Variants in NDUFB6 observed in about 807,000 individuals in gnomAD.
NDUFB6 encodes NADH dehydrogenase [ubiquinone] 1 beta subcomplex subunit 6.
Under a neutral mutation model 17.5 loss-of-function variants are expected in NDUFB6, and 23 were observed. The observed-to-expected ratio is 1.31, with a 90% CI of 0.94 to 1.86. The LOEUF is 1.86. NDUFB6 is among the 40% of genes most tolerant of loss of function. The probability of loss-of-function intolerance (pLI) is 0.00; values close to 1 mark genes in which losing one functional copy is unlikely to be tolerated. For missense variants in NDUFB6, 167 were observed against 153.8 expected (o/e 1.09, Z -0.46); for synonymous variants, 60 against 53.5 (o/e 1.12, Z -0.53).
In NDUFB6 at chr9:32,553,945, C is replaced by A. The variant is rs113167815; in HGVS notation, c.319-1G>T. On this transcript the variant is annotated splice_acceptor_variant, in intron 3 of 3. Coordinates refer to ENST00000379847, the MANE Select transcript of NDUFB6 (RefSeq NM_002493.5). LOFTEE classifies it high-confidence loss of function. ...CTCCAGTCTCCAGAATTGTATCACCCTAGGAAAACAAAGATACAGTTAGTA... is the reference window on the plus strand; with the variant it reads ...CTCCAGTCTCCAGAATTGTATCACCATAGGAAAACAAAGATACAGTTAGTA... The A allele has an allele frequency of 6.3e-7, 1 of 1,580,154 alleles. No homozygotes were observed. The highest frequency in any genetic ancestry group is 8.7e-7 in the Non-Finnish European group (1 of 1,152,150).
At chr9:32,560,525 T>C (rs1459225827) in intron 2 of NDUFB6, among the ~76,000 whole-genome samples, 1 of 152,164 alleles carries the variant, frequency 6.6e-6, no homozygotes, top group African/African-American at 2.4e-5. Flanking sequence ...TTGATCAGAG[T>C]TTGTAATGTG....
chr9:32,556,100 T>A (rs992480434), intron 3 of NDUFB6, among the ~76,000 whole-genome samples: 1 of 152,136 alleles, frequency 6.6e-6, no homozygotes, highest in African/African-American at 2.4e-5. Context: ...CGGGGTGCAA[T>A]GATGGAATGG....
At chr9:32,569,217 GT>G (rs1185947338) in intron 2 of NDUFB6, among the ~76,000 whole-genome samples, 1 of 151,786 alleles carries the variant, frequency 6.6e-6, no homozygotes, top group East Asian at 1.9e-4. Flanking sequence ...TGAAGTTTTT[GT>G]TTTTTTCTTT....
intron 3 of NDUFB6, among the ~76,000 whole-genome samples, 199 bp from the exon 4 acceptor site, chr9:32,554,143 T>TA (rs1199251040): frequency 6.6e-6 from 1 of 152,164 alleles, no homozygotes; most frequent in African/African-American, 2.4e-5. Flanking sequence ...AGTGAAATAA[T>TA]AGGGAAATTT....
rs889685730 is a variant in NDUFB6 at position 32,553,617 on chromosome 9, A to G, written c.*259T>C. ...CTGTGTAAGAAAAAAACAAACAAAC[A>G]TGTAACTAAATACTTTTCCATACCG... On this transcript the variant is annotated 3_prime_UTR_variant, in exon 4 of 4. Transcript: ENST00000379847. 1.2e-5 allele frequency: 5 copies of G among 415,094 alleles called. No homozygotes were observed. The highest frequency in any genetic ancestry group is 1.0e-4 in the African/African-American group (5 of 49,124). The allele number at this position is 415,094 out of a possible 1,614,324, so 25.7% of individuals were successfully genotyped here.
chr9:32,555,632 T>G (rs1397993167), intron 3 of NDUFB6, among the ~76,000 whole-genome samples: 1 of 152,210 alleles, frequency 6.6e-6, no homozygotes, highest in Non-Finnish European at 1.5e-5. Flanking sequence ...ACCAAACATA[T>G]AGTTTACAGA....
chr9:32,554,004 A>G, intron 3 of NDUFB6, 60 bp from the exon 4 acceptor site: 2 of 1,071,270 alleles, frequency 1.9e-6, no homozygotes, highest in Non-Finnish European at 2.8e-6. Context: ...TGATAGTTCT[A>G]TTCTGTTCTA....
intron 1 of NDUFB6, among the ~76,000 whole-genome samples, chr9:32,571,331 T>C (rs548543003): frequency 6.6e-6 from 1 of 152,334 alleles, no homozygotes; most frequent in African/African-American, 2.4e-5. Context: ...CTTCCAAAAA[T>C]ATCCTTATTA....
chr9:32,572,519 A>G (rs1007219389), intron 1 of NDUFB6, among the ~76,000 whole-genome samples: 4 of 152,204 alleles, frequency 2.6e-5, no homozygotes, highest in African/African-American at 4.8e-5. Flanking sequence ...TAAAAGTCAG[A>G]CAAGTGTCCT....
intron 3 of NDUFB6, among the ~76,000 whole-genome samples, chr9:32,555,351 T>C (rs1473343425): frequency 6.6e-6 from 1 of 152,126 alleles, no homozygotes; most frequent in Non-Finnish European, 1.5e-5. Flanking sequence ...AGAAGCCCAA[T>C]AAAACTCAAA....
chr9:32,556,412 G>C (rs937761456), intron 3 of NDUFB6, among the ~76,000 whole-genome samples: 6 of 152,232 alleles, frequency 3.9e-5, no homozygotes, highest in Non-Finnish European at 8.8e-5. Flanking sequence ...GATAGGCACG[G>C]CTGTAAGATT....
intron 3 of NDUFB6, among the ~76,000 whole-genome samples, chr9:32,554,250 G>A (rs1821391274): frequency 1.3e-5 from 2 of 152,184 alleles, no homozygotes; most frequent in Non-Finnish European, 2.9e-5. Context: ...AATAAATGGA[G>A]GCCCCAGAAA....
chr9:32,566,089 C>A (rs879214696), intron 2 of NDUFB6: 1 of 425,202 alleles, frequency 2.4e-6, no homozygotes, highest in Non-Finnish European at 4.2e-6. Context: ...AAAAAGGCAC[C>A]TGTTAAAATT....
intron 1 of NDUFB6, 87 bp from the exon 2 acceptor site, chr9:32,571,139 C>T: frequency 1.2e-6 from 1 of 867,854 alleles, no homozygotes; most frequent in Non-Finnish European, 1.8e-6. Flanking sequence ...TGTAACAATG[C>T]CATGACTATT....
chr9:32,571,927 G>C (rs1821948715), intron 1 of NDUFB6, among the ~76,000 whole-genome samples: 1 of 152,132 alleles, frequency 6.6e-6, no homozygotes, highest in Non-Finnish European at 1.5e-5. Flanking sequence ...TATTGCACTA[G>C]ACTTTGTAGC....
chr9:32,568,385 C>A, intron 2 of NDUFB6: 1 of 246,814 alleles, frequency 4.1e-6, no homozygotes, highest in Non-Finnish European at 8.7e-6. Flanking sequence ...TTTGGATGAG[C>A]AAACAAAGTG....
At chr9:32,562,093 T>C (rs1821642402) in intron 2 of NDUFB6, among the ~76,000 whole-genome samples, 1 of 152,214 alleles carries the variant, frequency 6.6e-6, no homozygotes, top group African/African-American at 2.4e-5. Context: ...CAACAGACCT[T>C]CCATTCTAGT....
chr9:32,557,338 A>AT (rs36050969), intron 3 of NDUFB6, among the ~76,000 whole-genome samples: 112 of 145,948 alleles, frequency 7.7e-4, no homozygotes, highest in African/African-American at 2.4e-3. Flanking sequence ...TAATTTTTGT[A>AT]TTTTTTTTTT....
At chr9:32,567,798 A>C in intron 2 of NDUFB6, 1 of 273,876 alleles carries the variant, frequency 3.7e-6, no homozygotes, top group South Asian at 4.1e-5. Context: ...GCCATTCCCC[A>C]CCTCTCTCCC....
Sources: gnomAD v4.1 joint callset for allele counts (sites outside exome capture counted in the v4.1 genomes callset) on GRCh38, gnomAD v4.1.1 for gene constraint, MANE v1.5 for transcripts, NCBI Gene and HGNC (gene_info 2026-07-23, HGNC 2026-07-21) for gene names.